The following MALT1 variants were observed in gnomAD, a reference collection of about 807,000 sequenced individuals.
The protein encoded by MALT1 is mucosa-associated lymphoid tissue lymphoma translocation protein 1.
MALT1 carries 36 observed loss-of-function variants against 85.5 expected under a neutral mutation model. The ratio of observed to expected loss-of-function variants is 0.42; its 90% CI spans 0.32 to 0.56. The LOEUF (loss-of-function observed/expected upper bound fraction) is 0.56, where lower values mean the gene tolerates loss of function less well. MALT1 is among the 20% of genes least tolerant of loss of function. MALT1 has a pLI of 0.10. For synonymous variants in MALT1, 359 were observed against 361.3 expected, an observed-to-expected ratio of 0.99 and a Z score of 0.07; for missense variants, 716 against 981.6, an observed-to-expected ratio of 0.73 and a Z score of 3.62.
rs1309853933 is a variant in MALT1, at chr18:58,752,476, A to G, written c.*4634A>G. The G allele has an allele frequency of 6.6e-6, 1 of 152,134 alleles. No homozygotes were observed. The highest frequency in any genetic ancestry group is 1.5e-5 in the Non-Finnish European group (1 of 68,032). The allele number at this position is 152,134 out of a possible 1,614,324, so 9.4% of individuals were successfully genotyped here. On this transcript the variant is annotated 3_prime_UTR_variant, in exon 17 of 17. Coordinates refer to ENST00000649217, the MANE Select transcript of MALT1 (RefSeq NM_006785.4). ...TTCTCAGTTTGACATTGTCATTCAA[A>G]TTCAGAGTTTGACACTGAAACCCTG...
chr18:58,730,542 TATC>T (rs33971097), intron 10 of MALT1, among the ~76,000 whole-genome samples: 18,102 of 152,204 alleles, frequency 0.12, 1,627 homozygotes, highest in African/African-American at 0.26. Flanking sequence ...TTTATCCATT[TATC>T]ATCTCATGGA....
chr18:58,694,935 C>T (rs936678657), intron 2 of MALT1, among the ~76,000 whole-genome samples: 2 of 152,126 alleles, frequency 1.3e-5, no homozygotes, highest in Non-Finnish European at 1.5e-5. Context: ...TGGCTGTATT[C>T]CCACCCAAAT....
intron 10 of MALT1, among the ~76,000 whole-genome samples, chr18:58,728,232 T>A (rs755482065): frequency 3.3e-5 from 5 of 152,192 alleles, no homozygotes; most frequent in Non-Finnish European, 7.3e-5. Flanking sequence ...AAAATACCTA[T>A]TTTCTTCTCT....
intron 4 of MALT1, among the ~76,000 whole-genome samples, chr18:58,705,123 T>C (rs1390979649): frequency 6.6e-6 from 1 of 152,172 alleles, no homozygotes; most frequent in South Asian, 2.1e-4. Context: ...TTAGTGGCTG[T>C]TTTAGAGATT....
At chr18:58,727,895 T>C (rs1056964785) in intron 10 of MALT1, among the ~76,000 whole-genome samples, 7 of 152,174 alleles carry the variant, frequency 4.6e-5, no homozygotes, top group African/African-American at 7.2e-5. Context: ...AAAAGAGGGA[T>C]GTTAATATTA....
intron 11 of MALT1, 128 bp from the exon 12 acceptor site, chr18:58,734,179 T>C: frequency 9.3e-7 from 1 of 1,077,394 alleles, no homozygotes; most frequent in Non-Finnish European, 1.3e-6. Flanking sequence ...AGATGAAAAA[T>C]TTTGAATCTA....
intron 1 of MALT1, chr18:58,672,095 C>A (rs953528575): frequency 3.0e-6 from 1 of 336,434 alleles, no homozygotes; most frequent in Non-Finnish European, 5.4e-6. Context: ...GCGGCTGCCT[C>A]GCTCCCTGTT....
intron 13 of MALT1, 114 bp downstream of exon 13, chr18:58,735,443 T>C (rs2055210615): frequency 3.7e-6 from 4 of 1,077,790 alleles, no homozygotes; most frequent in Non-Finnish European, 2.6e-6. Flanking sequence ...GGTTTGGAAT[T>C]AGTACCTACT....
intron 10 of MALT1, among the ~76,000 whole-genome samples, chr18:58,724,777 G>A (rs2055030079): frequency 6.6e-6 from 1 of 152,128 alleles, no homozygotes; most frequent in Admixed American, 6.5e-5. Context: ...GGGAGGCCGA[G>A]GTGGGTGGAT....
intron 4 of MALT1, among the ~76,000 whole-genome samples, chr18:58,705,103 G>C (rs1022663627): frequency 2.0e-5 from 3 of 152,020 alleles, no homozygotes; most frequent in Non-Finnish European, 4.4e-5. Flanking sequence ...CTGTGTCTTA[G>C]TGTTATTTTT....
intron 1 of MALT1, among the ~76,000 whole-genome samples, chr18:58,680,140 A>G (rs1396507025): frequency 6.6e-6 from 1 of 152,250 alleles, no homozygotes; most frequent in African/African-American, 2.4e-5. Context: ...TGAGGCAACT[A>G]TGGCTACGAG....
At chr18:58,677,136 G>T (rs1485877499) in intron 1 of MALT1, among the ~76,000 whole-genome samples, 3 of 152,120 alleles carry the variant, frequency 2.0e-5, no homozygotes, top group Non-Finnish European at 4.4e-5. Flanking sequence ...GAAAAGTTAG[G>T]TATGTATAAG....
chr18:58,746,830 T>TGATTCTTGTGCCTCAGCCTC (rs2055374307), intron 16 of MALT1, among the ~76,000 whole-genome samples: 1 of 151,956 alleles, frequency 6.6e-6, no homozygotes. Context: ...CAGACTCAAG[T>TGATTCTTGTGCCTCAGCCTC]GATTCTTGTG....
rs772139375 is a variant in MALT1, at chr18:58,747,812, C to A, written c.2445C>A (p.Phe815Leu). Residue 815 changes from phenylalanine (F) to leucine (L), a missense_variant, in exon 17 of 17, where the codon TTC becomes TTA. By Grantham distance (22) the Phe-to-Leu change is conservative (BLOSUM62 0). Around this residue, in one of 4 missense-constraint regions of MALT1, gnomAD observed 260 missense variants for 323.7 expected, o/e 0.80. Coordinates refer to ENST00000649217, the MANE Select transcript of MALT1 (RefSeq NM_006785.4). ...VETTDEIPFS[F>L]SDRLRISEK ...CAACTGATGAAATACCATTTAGTTTCTCTGACAGGCTCAGAATTTCTGAAA... is the reference window on the plus strand; with the variant it reads ...CAACTGATGAAATACCATTTAGTTTATCTGACAGGCTCAGAATTTCTGAAA... 4 of 1,613,010 alleles carry A rather than the reference C, an allele frequency of 2.5e-6. No individual in the cohort carries two copies. The highest frequency in any genetic ancestry group is 3.4e-6 in the Non-Finnish European group (4 of 1,179,338).
At chr18:58,697,470 A>G (rs549819539) in intron 3 of MALT1, among the ~76,000 whole-genome samples, 3 of 152,324 alleles carry the variant, frequency 2.0e-5, no homozygotes, top group South Asian at 4.1e-4. Flanking sequence ...ATTATTAGCC[A>G]TGTGAATTCC....
intron 4 of MALT1, among the ~76,000 whole-genome samples, chr18:58,706,301 C>T (rs2054751175): frequency 6.6e-6 from 1 of 152,142 alleles, no homozygotes; most frequent in Non-Finnish European, 1.5e-5. Flanking sequence ...GGATAACAGG[C>T]TCTTACCACT....
chr18:58,741,792 A>G (rs982080224), intron 13 of MALT1, 73 bp from the exon 14 acceptor site: 2 of 874,778 alleles, frequency 2.3e-6, no homozygotes, highest in Admixed American at 2.4e-5. Context: ...AATGTAGGAT[A>G]GTTCTTAGCC....
chr18:58,714,003 A>G, intron 7 of MALT1, 80 bp from the exon 8 acceptor site: 3 of 711,012 alleles, frequency 4.2e-6, no homozygotes, highest in Non-Finnish European at 7.4e-6. Flanking sequence ...CACTGGCTCA[A>G]AACTACTTGG....
At chr18:58,718,389 C>T (rs181950363) in intron 9 of MALT1, among the ~76,000 whole-genome samples, 31 of 152,328 alleles carry the variant, frequency 2.0e-4, no homozygotes, top group Non-Finnish European at 8.8e-5. Context: ...TGGTCTGTGG[C>T]CTGTTAGGAA....
Sources: allele counts gnomAD v4.1 joint callset (sites outside exome capture counted in the v4.1 genomes callset), GRCh38; gene constraint gnomAD v4.1.1; regional missense constraint gnomAD v4.1.1; transcripts MANE v1.5; gene names NCBI Gene and HGNC (gene_info 2026-07-23, HGNC 2026-07-21).